UVSSA: variants seen among roughly 807,000 people sequenced by gnomAD.
UVSSA encodes the protein UV-stimulated scaffold protein A.
UVSSA carries 72 observed loss-of-function variants against 73.9 expected under a neutral mutation model. The ratio of observed to expected loss-of-function variants is 0.97; its 90% CI spans 0.81 to 1.19. The LOEUF (loss-of-function observed/expected upper bound fraction) is 1.19. Among genes scored for constraint, UVSSA ranks in the 50% most tolerant of loss-of-function variants. The pLI is 0.00. For synonymous variants in UVSSA, 454 were observed against 391.3 expected (o/e 1.16, Z -1.89); for missense variants, 1,150 against 965.0 (o/e 1.19, Z -2.54).
At chr4:1,375,231 C>A in intron 8 of UVSSA, 133 bp from the exon 9 acceptor site, 1 of 1,430,076 alleles carries the variant, frequency 7.0e-7, no homozygotes, top group South Asian at 1.3e-5. Context: ...GAGCAGATAG[C>A]AGGCACCCAC....
At chr4:1,373,687 C>T (rs532725607) in intron 8 of UVSSA, among the ~76,000 whole-genome samples, 1 of 152,298 alleles carries the variant, frequency 6.6e-6, no homozygotes, top group African/African-American at 2.4e-5. Context: ...CTGTTTTCTG[C>T]ACTCCAATTA....
exon 14 of UVSSA, chr4:1,395,977 G>A (rs1720543000): frequency 1.4e-6 from 2 of 1,453,506 alleles, no homozygotes; most frequent in Non-Finnish European, 1.8e-6. Context: ...CTGATTAAAA[G>A]ACAAACCTGT....
At position 1,349,546 on chromosome 4, in the gene UVSSA, C is replaced by T. The variant is rs748486150; in HGVS notation, c.121C>T (p.Arg41Cys). Residue 41 changes from arginine (R) to cysteine (C), a missense_variant, in exon 3 of 14, where the codon CGC (arginine) becomes TGC (cysteine). Arg to Cys is a radical substitution (Grantham distance 180). Transcript: ENST00000389851. The part of the protein sequence containing the change: ...ICKSSEEQLS[R>C]AYRLLIAQLT... ...CAGGTCTTCAGAGGAGCAGCTGAGCCGCGCCTACCGCCTGCTGATAGCACA... is the reference window on the plus strand; with the variant it reads ...CAGGTCTTCAGAGGAGCAGCTGAGCTGCGCCTACCGCCTGCTGATAGCACA... The T allele has an allele frequency of 1.2e-5, 20 of 1,613,480 alleles. No individual in the cohort carries two copies. The highest frequency in any genetic ancestry group is 4.4e-5 in the South Asian group (4 of 91,074).
At chr4:1,379,799 C>CCACAGTGTTGGG (rs1560481645) in intron 10 of UVSSA, among the ~76,000 whole-genome samples, 41 of 37,964 alleles carry the variant, frequency 1.1e-3, no homozygotes, top group South Asian at 2.3e-3. Context: ...TGCCCGTGGT[C>CCACAGTGTTGGG]GCGCGGCTGG....
chr4:1,365,876 C>G (rs1577334337), intron 7 of UVSSA, among the ~76,000 whole-genome samples: 1 of 151,692 alleles, frequency 6.6e-6, no homozygotes, highest in East Asian at 1.9e-4. Context: ...CTCAGGGGCA[C>G]CGCAGACGCA....
intron 8 of UVSSA, among the ~76,000 whole-genome samples, chr4:1,371,474 AG>A (rs1718030626): frequency 6.6e-6 from 1 of 152,128 alleles, no homozygotes; most frequent in African/African-American, 2.4e-5. Context: ...GTGTTGGAGA[AG>A]GGACTTCTTG....
chr4:1,380,811 T>G, intron 11 of UVSSA, 69 bp from the exon 12 acceptor site: 1 of 1,593,196 alleles, frequency 6.3e-7, no homozygotes. Flanking sequence ...CAAGTCGTGG[T>G]GGTGGGGGGA....
At chr4:1,350,010 G>A (rs1363250786) in intron 3 of UVSSA, among the ~76,000 whole-genome samples, 156 bp downstream of exon 3, 1 of 152,224 alleles carries the variant, frequency 6.6e-6, no homozygotes, top group African/African-American at 2.4e-5. Flanking sequence ...TCTGTGGGGT[G>A]TGGGAAAGAG....
At chr4:1,353,729 G>A (rs1167261155) in intron 5 of UVSSA, among the ~76,000 whole-genome samples, 5 of 152,198 alleles carry the variant, frequency 3.3e-5, no homozygotes, top group Non-Finnish European at 5.9e-5. Context: ...GTCCTCAAAG[G>A]ATGAGGGAGC....
chr4:1,362,042 T>A (rs181123127), intron 7 of UVSSA, among the ~76,000 whole-genome samples: 8 of 152,316 alleles, frequency 5.3e-5, no homozygotes, highest in African/African-American at 1.9e-4. Context: ...CGGCCTCTCC[T>A]CTTCCTTTCC....
intron 7 of UVSSA, among the ~76,000 whole-genome samples, chr4:1,364,862 G>T (rs1560456308): frequency 1.3e-5 from 2 of 152,184 alleles, no homozygotes; most frequent in Admixed American, 1.3e-4. Flanking sequence ...TGGCCTGAGG[G>T]AGCTGAAGGT....
chr4:1,355,176 T>C lies in UVSSA; in HGVS notation c.1107T>C (p.Ala369=), dbSNP rs746918039. The C allele has an allele frequency of 6.2e-7, 1 of 1,613,806 alleles. No homozygotes were observed. Among genetic ancestry groups the C allele is most frequent in the South Asian group, 1.1e-5 (1 of 91,062 alleles). Reference sequence around the variant, plus strand: ...TAAAGCGTGCCATTGACCTGAAGGCTGAATTGGAGCTCGTACTGAGAAAAT... The same window carrying C: ...TAAAGCGTGCCATTGACCTGAAGGCCGAATTGGAGCTCGTACTGAGAAAAT... ...GCLKRAIDLK[A]ELELVLRKYK... The change falls in exon 7 of 14, where the codon GCT becomes GCC. Residue 369 remains alanine (A), a synonymous_variant. Coordinates refer to ENST00000389851, the MANE Select transcript of UVSSA (RefSeq NM_020894.4).
At chr4:1,382,032 T>C (rs577009130) in intron 12 of UVSSA, among the ~76,000 whole-genome samples, 2 of 152,332 alleles carry the variant, frequency 1.3e-5, no homozygotes, top group South Asian at 4.1e-4. Context: ...ACACCTTGTC[T>C]TGAAGAGCAG....
At chr4:1,364,755 G>A (rs1717091485) in intron 7 of UVSSA, among the ~76,000 whole-genome samples, 1 of 151,834 alleles carries the variant, frequency 6.6e-6, no homozygotes, top group South Asian at 2.1e-4. Flanking sequence ...TCTCCACCCT[G>A]GGGCACCTCC....
rs1050666043 is a variant in UVSSA at position 1,365,812 on chromosome 4, G to A, written c.1177-508G>A. 7.2e-4 allele frequency among the ~76,000 whole-genome samples: 110 copies of A among 151,810 alleles called. 1 individual carries two copies. Among genetic ancestry groups the A allele is most frequent in the African/African-American group, 2.6e-3 (108 of 41,334 alleles). On this transcript the variant is annotated intron_variant, in intron 7 of 13. Transcript: ENST00000389851. ...TGGGAAGATAACTCACCTAAGCCCC[G>A]GGGGCACCGCAGACGCACCTGCTCC...
chr4:1,343,126 C>T (rs986133535), upstream of UVSSA, among the ~76,000 whole-genome samples: 1 of 152,136 alleles, frequency 6.6e-6, no homozygotes. Context: ...AGACCACGGA[C>T]TAGCGGGTTT....
exon 14 of UVSSA, chr4:1,394,219 G>T: frequency 1.7e-6 from 1 of 571,972 alleles, no homozygotes. Context: ...CAGGAGTGTG[G>T]CAGAGCTTCT....
intron 8 of UVSSA, chr4:1,374,937 C>T (rs937865343): frequency 5.4e-6 from 1 of 185,764 alleles, no homozygotes; most frequent in Non-Finnish European, 1.1e-5. Context: ...CCACCTCAGG[C>T]TTGGGTGCTG....
At chr4:1,344,132 C>G (rs943480089), upstream of UVSSA, among the ~76,000 whole-genome samples, 1 of 152,118 alleles carries the variant, frequency 6.6e-6, no homozygotes, top group East Asian at 1.9e-4. Context: ...CTGACTGCTT[C>G]TAAGATTTGT....
Sources: gnomAD v4.1 joint callset for allele counts (sites outside exome capture counted in the v4.1 genomes callset) on GRCh38, gnomAD v4.1.1 for gene constraint, MANE v1.5 for transcripts, NCBI Gene and HGNC (gene_info 2026-07-23, HGNC 2026-07-21) for gene names.